The following ZNF333 variants were observed in gnomAD, a reference collection of about 807,000 sequenced individuals.
The protein encoded by ZNF333 is zinc finger protein 333.
In ZNF333, 61 loss-of-function variants were observed where a neutral mutation model predicts 76.1. That is an observed-to-expected ratio of 0.80 (90% CI 0.65 to 0.99). ZNF333 has a LOEUF of 0.99. Ranked by LOEUF, ZNF333 falls within the 50% of genes least tolerant of loss-of-function variation. ZNF333 has a pLI of 0.00. For missense variants in ZNF333, 717 were observed against 822.4 expected (o/e 0.87, Z 1.57); for synonymous variants, 284 against 305.0 (o/e 0.93, Z 0.72).
chr19:14,706,953 A>G, intron 7 of ZNF333, 180 bp downstream of exon 7: 1 of 539,624 alleles, frequency 1.9e-6, no homozygotes, highest in South Asian at 2.8e-5. Context: ...GGGCACTTCC[A>G]GTGACAGATC....
chr19:14,704,742 C>T (rs2042059976), intron 5 of ZNF333, among the ~76,000 whole-genome samples: 1 of 152,204 alleles, frequency 6.6e-6, no homozygotes, highest in Non-Finnish European at 1.5e-5. Flanking sequence ...GACCTGTCCC[C>T]ATGAATCAGT....
Position 14,699,098 on chromosome 19 carries a change from T to C in ZNF333, c.224-101T>C, listed in dbSNP as rs1599700755. On this transcript the variant is annotated intron_variant, in intron 4 of 11. Transcript: ENST00000292530. ...TTAAAAGAAAAAGCCTATGTGTGTA[T>C]AGTGTGTATATATATTCACATATAT... 8 of 863,252 alleles carry C rather than the reference T, an allele frequency of 9.3e-6. No individual in the cohort carries two copies. The East Asian group carries it at 2.1e-4, about 22-fold the overall frequency. The allele number at this position is 863,252 out of a possible 1,614,324, so 53.5% of individuals were successfully genotyped here.
chr19:14,719,865 A>T lies in ZNF333; in HGVS notation c.*540A>T. 7 of 986,498 alleles carry T rather than the reference A, an allele frequency of 7.1e-6. No homozygotes were observed. The highest frequency in any genetic ancestry group is 8.4e-6 in the Non-Finnish European group (7 of 830,794). The allele number at this position is 986,498 out of a possible 1,614,324, so 61.1% of individuals were successfully genotyped here. On this transcript the variant is annotated 3_prime_UTR_variant, in exon 12 of 12. Coordinates refer to ENST00000292530, the MANE Select transcript of ZNF333 (RefSeq NM_032433.4). ...AGAAAAGAACCTGGGTTTTCTGTTC[A>T]GATTGGCAGTGTGCACTATTAAAAA... is the stretch of plus-strand genomic sequence containing the variant.
chr19:14,692,201 T>C (rs1399750880), intron 1 of ZNF333, among the ~76,000 whole-genome samples: 1 of 152,160 alleles, frequency 6.6e-6, no homozygotes, highest in Non-Finnish European at 1.5e-5. Flanking sequence ...CCAAAGGCAA[T>C]ATGAGAACGT....
chr19:14,705,703 C>T (rs1311947748), intron 6 of ZNF333, among the ~76,000 whole-genome samples: 1 of 152,210 alleles, frequency 6.6e-6, no homozygotes, highest in Non-Finnish European at 1.5e-5. Flanking sequence ...AGGTGAGCGG[C>T]GAGCATCCAT....
At chr19:14,732,040 C>T (rs1466693291) in exon 12 of ZNF333, 1 of 152,164 alleles carries the variant, frequency 6.6e-6, no homozygotes, top group African/African-American at 2.4e-5. Context: ...CCTCATTTTC[C>T]ATCTTACAAA....
At chr19:14,699,875 T>TG (rs1973553467) in intron 5 of ZNF333, among the ~76,000 whole-genome samples, 1 of 152,100 alleles carries the variant, frequency 6.6e-6, no homozygotes, top group African/African-American at 2.4e-5. Context: ...GTGGTAGAGC[T>TG]GGCAACACAC....
intron 7 of ZNF333, chr19:14,715,079 T>G (rs138940389): frequency 1.1e-5 from 3 of 276,180 alleles, no homozygotes; most frequent in East Asian, 9.6e-5. Context: ...ATATGTCTCT[T>G]TGTGTGCTGG....
At chr19:14,695,492 A>T in intron 3 of ZNF333, 74 bp from the exon 4 acceptor site, 1 of 1,387,982 alleles carries the variant, frequency 7.2e-7, no homozygotes, top group Non-Finnish European at 1.0e-6. Context: ...GGAGAGTTTG[A>T]GTTGAGAAAC....
intron 5 of ZNF333, chr19:14,701,797 A>G (rs1456988994): frequency 1.0e-6 from 1 of 985,502 alleles, no homozygotes; most frequent in African/African-American, 1.7e-5. Context: ...ACAGGCGGTC[A>G]CAGACTATTC....
intron 1 of ZNF333, among the ~76,000 whole-genome samples, chr19:14,691,612 A>G (rs1972778324): frequency 6.6e-6 from 1 of 150,966 alleles, no homozygotes; most frequent in Non-Finnish European, 1.5e-5. Context: ...TTGTGTGATT[A>G]TGTCTTATGA....
intron 4 of ZNF333, among the ~76,000 whole-genome samples, chr19:14,698,508 G>C (rs895010416): frequency 2.0e-5 from 3 of 151,866 alleles, no homozygotes; most frequent in African/African-American, 7.3e-5. Context: ...TCGCACCACT[G>C]CACTCCAGCC....
chr19:14,727,765 C>G (rs2042642979), intron 11 of ZNF333, among the ~76,000 whole-genome samples: 1 of 151,978 alleles, frequency 6.6e-6, no homozygotes, highest in Non-Finnish European at 1.5e-5. Flanking sequence ...GTATCCTAAT[C>G]ATTTCCTTTA....
chr19:14,689,829 C>T (rs1434594585), upstream of ZNF333: 1 of 152,426 alleles, frequency 6.6e-6, no homozygotes, highest in African/African-American at 2.4e-5. Context: ...AAGCCCCACC[C>T]CTATCCCTGT....
At chr19:14,701,387 G>T (rs905497592) in intron 5 of ZNF333, among the ~76,000 whole-genome samples, 13 of 152,098 alleles carry the variant, frequency 8.5e-5, no homozygotes, top group African/African-American at 3.1e-4. Context: ...CTACAGGCAC[G>T]CACCACTACA....
chr19:14,702,167 C>T (rs559306815), intron 5 of ZNF333, among the ~76,000 whole-genome samples: 15 of 152,202 alleles, frequency 9.9e-5, no homozygotes, highest in African/African-American at 2.6e-4. Flanking sequence ...TCTCTTTGGT[C>T]GGCTGGTCCA....
rs376735866 is a variant in ZNF333, at chr19:14,699,221, C to T, written c.246C>T (p.Pro82=). 92 of 1,613,614 alleles carry T rather than the reference C, an allele frequency of 5.7e-5. No individual in the cohort carries two copies. The highest frequency in any genetic ancestry group is 4.6e-5 in the Non-Finnish European group (54 of 1,179,866). The change falls in exon 5 of 12, where the codon CCC becomes CCT. Residue 82 remains proline, a synonymous_variant. Coordinates refer to ENST00000292530, the MANE Select transcript of ZNF333 (RefSeq NM_032433.4). ...CAGCCTGGGAATCTCAACTTAAACC[C>T]GAAGAGTTGCCTTCTATGCAGGATC... is the stretch of plus-strand genomic sequence containing the variant. The part of the protein sequence containing the change: ...TGVAWESQLK[P]EELPSMQDLL...
In ZNF333 at chr19:14,719,581, A is replaced by T. The variant is rs984907908; in HGVS notation, c.*256A>T. ...GCATACATCTGAAGTGTACAGTTGGATGAGTTTGACAGATGCATACATGCA... is the reference window on the plus strand; with the variant it reads ...GCATACATCTGAAGTGTACAGTTGGTTGAGTTTGACAGATGCATACATGCA... On this transcript the variant is annotated 3_prime_UTR_variant, in exon 12 of 12. Coordinates refer to ENST00000292530, the MANE Select transcript of ZNF333 (RefSeq NM_032433.4). The T allele has an allele frequency of 9.1e-7, 1 of 1,099,846 alleles. No individual in the cohort carries two copies. The highest frequency in any genetic ancestry group is 1.6e-5 in the African/African-American group (1 of 61,598). The allele number at this position is 1,099,846 out of a possible 1,614,324, so 68.1% of individuals were successfully genotyped here. A position where few individuals can be genotyped will look rare whatever the true frequency, so the allele number is the denominator to read the frequency against.
Position 14,715,394 on chromosome 19 carries a change from G to A in ZNF333, c.524G>A (p.Arg175His), listed in dbSNP as rs1468413680. 7.4e-6 allele frequency: 12 copies of A among 1,613,964 alleles called. No homozygotes were observed. Among genetic ancestry groups the A allele is most frequent in the Non-Finnish European group, 1.0e-5 (12 of 1,179,918 alleles). The change falls in exon 8 of 12, where the codon CGT (arginine) becomes CAT (histidine). Residue 175 changes from arginine (R) to histidine (H), a missense_variant. Transcript: ENST00000292530. Reference protein sequence around the residue: ...WVARDSAVPARDPAWLQEDKV... With the variant: ...WVARDSAVPAHDPAWLQEDKV... ...CCTTCTCCCCTAGCTGTGCCTGCAC[G>A]TGACCCTGCCTGGCTTCAGGAGGAC...
Sources: allele counts gnomAD v4.1 joint callset (sites outside exome capture counted in the v4.1 genomes callset), GRCh38; gene constraint gnomAD v4.1.1; transcripts MANE v1.5; gene names NCBI Gene and HGNC (gene_info 2026-07-23, HGNC 2026-07-21).